MMP26: variants seen among roughly 807,000 people sequenced by gnomAD.
MMP26 encodes the protein matrix metalloproteinase-26.
Under a neutral mutation model 31.0 loss-of-function variants are expected in MMP26, and 33 were observed. The observed-to-expected ratio is 1.06, with a 90% CI of 0.81 to 1.42. MMP26 has a LOEUF of 1.42. Among genes scored for constraint, MMP26 ranks in the 40% most tolerant of loss-of-function variants. The pLI is 0.00. For missense variants in MMP26, 347 were observed against 316.1 expected, an observed-to-expected ratio of 1.10 and a Z score of -0.74; for synonymous variants, 122 against 114.9, an observed-to-expected ratio of 1.06 and a Z score of -0.40.
At chr11:4,710,046 C>T (rs1274366937) in intron 1 of MMP26, 3 of 456,636 alleles carry the variant, frequency 6.6e-6, no homozygotes, top group Non-Finnish European at 1.3e-5. Flanking sequence ...AGCTCTAGTG[C>T]CTCTACTCCT....
intron 2 of MMP26, among the ~76,000 whole-genome samples, chr11:4,812,631 C>A (rs1849365258): frequency 6.6e-6 from 1 of 152,170 alleles, no homozygotes; most frequent in African/African-American, 2.4e-5. Context: ...AGGGAACAAT[C>A]TATGTATTTA....
intron 2 of MMP26, among the ~76,000 whole-genome samples, chr11:4,960,813 C>T (rs931784770): frequency 1.3e-5 from 2 of 151,832 alleles, no homozygotes; most frequent in Non-Finnish European, 2.9e-5. Context: ...TTTCATAAGC[C>T]ACTTTACACA....
intron 2 of MMP26, among the ~76,000 whole-genome samples, chr11:4,951,189 T>A (rs1042093245): frequency 8.1e-6 from 1 of 123,972 alleles, no homozygotes; most frequent in Non-Finnish European, 1.8e-5. Context: ...AACCTGAATA[T>A]CACAACTTTT....
chr11:4,969,976 C>T (rs2133629669), intron 2 of MMP26, among the ~76,000 whole-genome samples: 1 of 152,162 alleles, frequency 6.6e-6, no homozygotes, highest in Middle Eastern at 3.4e-3. Flanking sequence ...AATAAAGCTC[C>T]TTTAAGGTAT....
chr11:4,912,960 C>T (rs1240394202), intron 2 of MMP26: 1 of 121,630 alleles, frequency 8.2e-6, no homozygotes, highest in African/African-American at 3.0e-5. Flanking sequence ...AAAAAAAAAA[C>T]AAGCTGTAAC....
At chr11:4,907,469 A>C in intron 2 of MMP26, 1 of 1,613,870 alleles carries the variant, frequency 6.2e-7, no homozygotes, top group Non-Finnish European at 8.5e-7. Flanking sequence ...CATTTGCCTC[A>C]TGTACCTGCT....
At chr11:4,888,043 A>T (rs1425640876) in intron 2 of MMP26, among the ~76,000 whole-genome samples, 4 of 152,156 alleles carry the variant, frequency 2.6e-5, no homozygotes, top group Admixed American at 2.6e-4. Context: ...ATATTTTGCC[A>T]TATAAAATAT....
At chr11:4,973,101 T>C (rs111727687) in intron 2 of MMP26, 1,976 of 194,310 alleles carry the variant, frequency 0.01, 63 homozygotes, top group African/African-American at 0.044. Context: ...AACCGGTAGA[T>C]GACAGCTAGG....
In MMP26 at chr11:4,804,806, CAAA is replaced by C. The variant is rs71050431; in HGVS notation, c.-145+37472_-145+37474del. 3.4e-5 allele frequency among the ~76,000 whole-genome samples: 5 copies of C among 146,020 alleles called. No individual in the cohort carries two copies. The South Asian group carries it at 1.1e-3, about 32-fold the overall frequency. Reference sequence around the variant, plus strand: ...TTAAAAATACAAAAACAAAACAAAACAAAAAAAAACCCCATTAGCCAGGCATGG... The same window carrying C: ...TTAAAAATACAAAAACAAAACAAAACAAAAAACCCCATTAGCCAGGCATGG... On this transcript the variant is annotated intron_variant, in intron 2 of 7. Coordinates refer to ENST00000380390, the MANE Select transcript of MMP26 (RefSeq NM_021801.5).
chr11:4,926,206 A>G (rs1006627101), intron 2 of MMP26, among the ~76,000 whole-genome samples: 4 of 151,574 alleles, frequency 2.6e-5, no homozygotes, highest in Non-Finnish European at 5.9e-5. Context: ...TTCTTGTTTT[A>G]TGATTTCAAA....
At chr11:4,780,176 G>A (rs1184472000) in intron 2 of MMP26, among the ~76,000 whole-genome samples, 1 of 151,916 alleles carries the variant, frequency 6.6e-6, no homozygotes, top group Non-Finnish European at 1.5e-5. Flanking sequence ...TATTCCCTTT[G>A]TAAGCCCATG....
intron 2 of MMP26, among the ~76,000 whole-genome samples, chr11:4,880,229 C>A (rs563457904): frequency 6.6e-6 from 1 of 152,204 alleles, no homozygotes; most frequent in East Asian, 1.9e-4. Context: ...CTGGTTTAGT[C>A]CCTGCTCTGT....
chr11:4,893,686 T>G (rs2133551430), intron 2 of MMP26, among the ~76,000 whole-genome samples: 1 of 152,332 alleles, frequency 6.6e-6, no homozygotes, highest in Admixed American at 6.5e-5. Context: ...ATAGTAGACC[T>G]TCATTAAATA....
intron 2 of MMP26, among the ~76,000 whole-genome samples, chr11:4,956,199 C>T (rs1166438822): frequency 3.3e-5 from 5 of 152,046 alleles, no homozygotes; most frequent in Admixed American, 6.6e-5. Flanking sequence ...GATATTTTGG[C>T]GGGCATTTTT....
intron 2 of MMP26, chr11:4,944,105 T>C: frequency 2.2e-6 from 1 of 455,612 alleles, no homozygotes; most frequent in South Asian, 1.6e-5. Context: ...TATCTGTATT[T>C]GTAAGGTTTT....
rs192735781 is a variant in MMP26, at chr11:4,883,707, C to T, written c.-144-104361C>T. 5.3e-3 allele frequency among the ~76,000 whole-genome samples: 800 copies of T among 152,240 alleles called. 6 individuals carry two copies. Among genetic ancestry groups the T allele is most frequent in the African/African-American group, 0.018 (764 of 41,552 alleles). ...CCTAGCTATTGACTGCTTCTACCTT[C>T]TGGTATACTCATCACTCTAGAATTG... On this transcript the variant is annotated intron_variant, in intron 2 of 7. Transcript: ENST00000380390.
At chr11:4,767,854 A>G (rs1327560120) in intron 2 of MMP26, among the ~76,000 whole-genome samples, 2 of 152,062 alleles carry the variant, frequency 1.3e-5, no homozygotes, top group South Asian at 2.1e-4. Flanking sequence ...TTAGGTTTCC[A>G]TCTCCATTTC....
At chr11:4,930,367 A>T (rs150708004) in intron 2 of MMP26, among the ~76,000 whole-genome samples, 2,254 of 152,170 alleles carry the variant, frequency 0.015, 59 homozygotes, top group African/African-American at 0.051. Context: ...ATCTGGCTGA[A>T]GCCACACTCT....
chr11:4,809,474 A>G (rs1043457696), intron 2 of MMP26, among the ~76,000 whole-genome samples: 8 of 152,210 alleles, frequency 5.3e-5, no homozygotes, highest in African/African-American at 1.9e-4. Flanking sequence ...GATCTCACCC[A>G]TTATGTGAGA....
Sources: allele counts gnomAD v4.1 joint callset (sites outside exome capture counted in the v4.1 genomes callset), GRCh38; gene constraint gnomAD v4.1.1; transcripts MANE v1.5; gene names NCBI Gene and HGNC (gene_info 2026-07-23, HGNC 2026-07-21).